The following CTC1 variants were observed in gnomAD, a reference collection of about 807,000 sequenced individuals.
CTC1 encodes CST complex subunit CTC1.
In CTC1, 91 loss-of-function variants were observed where a neutral mutation model predicts 136.3. The ratio of observed to expected loss-of-function variants is 0.67; its 90% CI spans 0.56 to 0.79. CTC1 has a LOEUF of 0.79. Among genes scored for constraint, CTC1 ranks in the 30% least tolerant of loss-of-function variants. The pLI is 0.00. For missense variants in CTC1, 1,432 were observed against 1,498.1 expected (o/e 0.96, Z 0.73); for synonymous variants, 606 against 613.8 (o/e 0.99, Z 0.19).
intron 5 of CTC1, among the ~76,000 whole-genome samples, 159 bp from the exon 6 acceptor site, chr17:8,236,501 C>T (rs1169473759): frequency 9.2e-5 from 14 of 152,124 alleles, no homozygotes; most frequent in Admixed American, 9.2e-4. Context: ...ATCTTAGCGT[C>T]TCTCCTCTCT....
rs903956424 is a variant in CTC1, at chr17:8,226,217, G to C, written c.*1963C>G. On this transcript the variant is annotated 3_prime_UTR_variant, in exon 23 of 23. Transcript: ENST00000651323. ...GATGTGGATTTAGCCGCAAAATCAC[G>C]CTGTTTCAATTGAATAAAGGCACCG... The C allele has an allele frequency of 6.6e-6, 1 of 152,144 alleles. No individual in the cohort carries two copies. The highest frequency in any genetic ancestry group is 1.9e-4 in the East Asian group (1 of 5,196). 9.4% of individuals were successfully genotyped at this position (152,144 alleles called of 1,614,324 possible).
chr17:8,235,029 G>A (rs766955421), intron 8 of CTC1, 24 bp downstream of exon 8: 46 of 1,611,168 alleles, frequency 2.9e-5, no homozygotes, highest in Non-Finnish European at 3.6e-5. Context: ...CTGCCTCCCC[G>A]CCCTGGGCCC....
In CTC1 at chr17:8,232,106, C is replaced by T. The variant is rs777495918; in HGVS notation, c.2182G>A (p.Gly728Arg). The T allele has an allele frequency of 6.5e-7, 1 of 1,540,056 alleles. No homozygotes were observed. Among genetic ancestry groups the T allele is most frequent in the Non-Finnish European group, 8.7e-7 (1 of 1,148,910 alleles). The change falls in exon 13 of 23, where the codon GGA becomes AGA. Residue 728 changes from glycine (G) to arginine (R), a missense_variant. By Grantham distance (125) the Gly-to-Arg change is moderately radical. Transcript: ENST00000651323. ...DPTGPEGPHL[G>R]QSRLFLLCHK... ...CAGAGCAAGAAGAGCCGGCTCTGTCCTAGGTGGGGTCCCTCTGGGCCGGTG... is the reference window on the plus strand; with the variant it reads ...CAGAGCAAGAAGAGCCGGCTCTGTCTTAGGTGGGGTCCCTCTGGGCCGGTG...
intron 2 of CTC1, among the ~76,000 whole-genome samples, chr17:8,242,579 T>TATAC (rs1248128493): frequency 5.5e-5 from 7 of 127,960 alleles, no homozygotes; most frequent in East Asian, 2.2e-4. Context: ...TATATATATA[T>TATAC]ACACATATAT....
intron 17 of CTC1, 98 bp downstream of exon 17, chr17:8,230,196 A>T (rs1311660681): frequency 2.4e-6 from 3 of 1,273,450 alleles, no homozygotes; most frequent in Non-Finnish European, 3.3e-6. Flanking sequence ...AACCTGTATG[A>T]AAGAGAAGGG....
At position 8,227,001 on chromosome 17, in the gene CTC1, G is replaced by T; in HGVS notation, c.*1179C>A. The T allele has an allele frequency of 6.6e-6, 1 of 152,620 alleles. No homozygotes were observed. Among genetic ancestry groups the T allele is most frequent in the South Asian group, 1.9e-4 (1 of 5,246 alleles). 9.5% of individuals were successfully genotyped at this position (152,620 alleles called of 1,614,324 possible). Reference sequence around the variant, plus strand: ...AAAAAAGCCACCCACTGGCCCGTACGGGGTTCGAACCCGCGACCTTGGCGT... The same window carrying T: ...AAAAAAGCCACCCACTGGCCCGTACTGGGTTCGAACCCGCGACCTTGGCGT... On this transcript the variant is annotated 3_prime_UTR_variant, in exon 23 of 23. Transcript: ENST00000651323.
In CTC1 at chr17:8,228,107, A is replaced by T. The variant is rs1986870461; in HGVS notation, c.*73T>A. 3 of 1,403,100 alleles carry T rather than the reference A, an allele frequency of 2.1e-6. No homozygotes were observed. The highest frequency in any genetic ancestry group is 3.0e-6 in the Non-Finnish European group (3 of 997,198). The allele number at this position is 1,403,100 out of a possible 1,614,324, so 86.9% of individuals were successfully genotyped here. A position where few individuals can be genotyped will look rare whatever the true frequency, so the allele number is the denominator to read the frequency against. On this transcript the variant is annotated 3_prime_UTR_variant, in exon 23 of 23. Transcript: ENST00000651323. ...TCCTTGGTTCAATCACAGAACAAGT[A>T]GGGAGAGGAGCCAGGACCTAGGCCT...
rs2151510889 is a variant in CTC1 at position 8,232,384 on chromosome 17, G to A, written c.2037C>T (p.Gly679=). ...ACCTGGCCTGCTGCTTCTGGATGAAGCCTGGCATGCTCAGCTCCTTCCAGG... is the reference window on the plus strand; with the variant it reads ...ACCTGGCCTGCTGCTTCTGGATGAAACCTGGCATGCTCAGCTCCTTCCAGG... ...FPSWKELSMP[G]FIQKQQARVY... The change falls in exon 12 of 23, where the codon GGC becomes GGT. Residue 679 remains glycine, a synonymous_variant. Coordinates refer to ENST00000651323, the MANE Select transcript of CTC1 (RefSeq NM_025099.6). 5 of 1,614,064 alleles carry A rather than the reference G, an allele frequency of 3.1e-6. No homozygotes were observed. The highest frequency in any genetic ancestry group is 3.3e-4 in the Middle Eastern group (2 of 6,062).
At chr17:8,237,087 GATGA>G (rs551881493) in intron 5 of CTC1, among the ~76,000 whole-genome samples, 103 of 148,418 alleles carry the variant, frequency 6.9e-4, no homozygotes, top group African/African-American at 2.5e-3. Context: ...ATGGTGTTAA[GATGA>G]ATGATTTCTT....
intron 17 of CTC1, 72 bp downstream of exon 17, chr17:8,230,222 T>G: frequency 6.8e-7 from 1 of 1,474,582 alleles, no homozygotes; most frequent in Non-Finnish European, 9.2e-7. Context: ...TGCAGCAAAG[T>G]TAAGCAGGGG....
Position 8,235,919 on chromosome 17 carries a change from T to TA in CTC1, c.1117dup (p.Tyr373LeufsTer2), listed in dbSNP as rs769069169. On this transcript the variant is annotated frameshift_variant, in exon 7 of 23. Coordinates refer to ENST00000651323, the MANE Select transcript of CTC1 (RefSeq NM_025099.6). LOFTEE classifies it high-confidence loss of function. ...GAGCCCCAGCTGCCCATCCAGCTCA[T>TA]AGAGGCCAGCGGGCTCATTCAACAC... The TA allele has an allele frequency of 4.3e-6, 7 of 1,613,458 alleles. No individual in the cohort carries two copies. Among genetic ancestry groups the TA allele is most frequent in the Non-Finnish European group, 5.1e-6 (6 of 1,179,580 alleles).
In CTC1 at chr17:8,234,527, G is replaced by A; in HGVS notation, c.1746C>T (p.Pro582=). The A allele has an allele frequency of 2.6e-6, 4 of 1,561,818 alleles. No homozygotes were observed. Among genetic ancestry groups the A allele is most frequent in the Non-Finnish European group, 3.5e-6 (4 of 1,152,308 alleles). The change falls in exon 10 of 23, where the codon CCC becomes CCT. Residue 582 remains proline (P), a synonymous_variant. Transcript: ENST00000651323. ...LLPLPEASYL[P]SCQLNRRLAW... The stretch of plus-strand genomic sequence containing the variant: ...CCAGGCGGCGATTGAGTTGGCAGCT[G>A]GGCAGGTAGGAGGCCTCCGGGAGGG...
chr17:8,235,019 C>G, intron 8 of CTC1, 34 bp downstream of exon 8: 1 of 1,610,564 alleles, frequency 6.2e-7, no homozygotes, highest in Non-Finnish European at 8.5e-7. Flanking sequence ...GCTACTCCCA[C>G]TGCCTCCCCG....
intron 5 of CTC1, 53 bp downstream of exon 5, chr17:8,237,322 A>C: frequency 6.2e-7 from 1 of 1,607,266 alleles, no homozygotes; most frequent in Non-Finnish European, 8.5e-7. Flanking sequence ...TTTCCTACTG[A>C]AAGTTCTACC....
intron 2 of CTC1, among the ~76,000 whole-genome samples, chr17:8,239,802 A>G (rs1988059524): frequency 6.6e-6 from 1 of 152,208 alleles, no homozygotes; most frequent in African/African-American, 2.4e-5. Context: ...ACTCAAGAAC[A>G]TTATACACAA....
chr17:8,235,744 A>G, intron 7 of CTC1, 87 bp downstream of exon 7: 1 of 1,413,816 alleles, frequency 7.1e-7, no homozygotes, highest in Non-Finnish European at 9.5e-7. Flanking sequence ...ATATTTCTAT[A>G]TAACCACCCT....
intron 14 of CTC1, 123 bp downstream of exon 14, chr17:8,231,603 G>T: frequency 8.2e-7 from 1 of 1,223,692 alleles, no homozygotes; most frequent in Non-Finnish European, 1.2e-6. Flanking sequence ...AGGCTTTCTG[G>T]TGTATCTAAA....
At chr17:8,240,391 T>G (rs1597392150) in intron 2 of CTC1, among the ~76,000 whole-genome samples, 1 of 150,906 alleles carries the variant, frequency 6.6e-6, no homozygotes, top group East Asian at 2.0e-4. Flanking sequence ...CTTGACCCCG[T>G]GATCCACCCG....
chr17:8,231,498 G>T (rs759165678), intron 14 of CTC1, 29 bp from the exon 15 acceptor site: 1 of 1,571,792 alleles, frequency 6.4e-7, no homozygotes, highest in Non-Finnish European at 8.7e-7. Context: ...ACGACTGCCT[G>T]TGAGTGTGTG....
Sources: allele counts gnomAD v4.1 joint callset (sites outside exome capture counted in the v4.1 genomes callset), GRCh38; gene constraint gnomAD v4.1.1; transcripts MANE v1.5; gene names NCBI Gene and HGNC (gene_info 2026-07-23, HGNC 2026-07-21).